MEIS2: variants seen among roughly 807,000 people sequenced by gnomAD.
MEIS2 encodes the protein Meis homeobox 2, also known as homeobox protein Meis2.
Under a neutral mutation model 58.6 loss-of-function variants are expected in MEIS2, and 9 were observed. That is an observed-to-expected ratio of 0.15 (90% CI 0.09 to 0.27). MEIS2 has a LOEUF of 0.27. Ranked by LOEUF, MEIS2 falls within the 10% of genes least tolerant of loss-of-function variation. The pLI is 1.00. For missense variants in MEIS2, 427 were observed against 635.0 expected, an observed-to-expected ratio of 0.67 and a Z score of 3.52; for synonymous variants, 221 against 228.4, an observed-to-expected ratio of 0.97 and a Z score of 0.29.
At chr15:37,056,837 C>T (rs1345020115) in intron 7 of MEIS2, among the ~76,000 whole-genome samples, 7 of 152,200 alleles carry the variant, frequency 4.6e-5, no homozygotes, top group Admixed American at 4.6e-4. Flanking sequence ...GGGTCCAGCT[C>T]CGAACCGCTC....
chr15:36,974,970 GGAAATCCC>G (rs1373989826), intron 8 of MEIS2, among the ~76,000 whole-genome samples: 2 of 152,114 alleles, frequency 1.3e-5, no homozygotes, highest in Non-Finnish European at 2.9e-5. Context: ...TCAAGAGATG[GGAAATCCC>G]TCCATAGAAA....
intron 8 of MEIS2, among the ~76,000 whole-genome samples, chr15:37,010,646 T>C (rs1595919754): frequency 6.6e-6 from 1 of 152,234 alleles, no homozygotes. Flanking sequence ...CCGCCAGTGC[T>C]GGGATTGCAG....
At position 37,036,676 on chromosome 15, in the gene MEIS2, TTAAC is replaced by T. The variant is rs371342688; in HGVS notation, c.900+134_900+137del. 757 of 973,550 alleles carry T rather than the reference TTAAC, an allele frequency of 7.8e-4. 3 individuals are homozygous for T. Among genetic ancestry groups the T allele is most frequent in the South Asian group, 3.3e-3 (160 of 49,012 alleles). 60.3% of individuals were successfully genotyped at this position (973,550 alleles called of 1,614,324 possible). A position where few individuals can be genotyped will look rare whatever the true frequency, so the allele number is the denominator to read the frequency against. On this transcript the variant is annotated intron_variant, in intron 8 of 11. Coordinates refer to ENST00000561208, the MANE Select transcript of MEIS2 (RefSeq NM_170675.5). Reference sequence around the variant, plus strand: ...GTAATAGTTGATGAAAAAAAAAACTTTAACTAGTCTGTTAGTCATCAGATTTCAA... The same window carrying T: ...GTAATAGTTGATGAAAAAAAAAACTTTAGTCTGTTAGTCATCAGATTTCAA...
chr15:36,924,829 C>G (rs971242096), intron 9 of MEIS2, among the ~76,000 whole-genome samples: 2 of 152,168 alleles, frequency 1.3e-5, no homozygotes, highest in African/African-American at 4.8e-5. Flanking sequence ...GTGTGACAAC[C>G]AGAAATATTT....
At chr15:37,012,804 G>C (rs2061209225) in intron 8 of MEIS2, among the ~76,000 whole-genome samples, 4 of 152,084 alleles carry the variant, frequency 2.6e-5, no homozygotes, top group Admixed American at 2.6e-4. Flanking sequence ...GCAAGTCATT[G>C]ACTATATTTT....
At chr15:36,912,831 G>GAAA (rs76421752) in intron 9 of MEIS2, among the ~76,000 whole-genome samples, 2 of 100,948 alleles carry the variant, frequency 2.0e-5, no homozygotes, top group Non-Finnish European at 4.3e-5. Flanking sequence ...CCCCACTCCT[G>GAAA]AAAAAAAAAA....
chr15:36,928,929 A>G (rs942409264), intron 9 of MEIS2, among the ~76,000 whole-genome samples: 1 of 152,226 alleles, frequency 6.6e-6, no homozygotes, highest in African/African-American at 2.4e-5. Context: ...AAGATCAAAA[A>G]AAGAAAGAAG....
chr15:36,973,317 C>G (rs1250543146), intron 8 of MEIS2, among the ~76,000 whole-genome samples: 1 of 152,194 alleles, frequency 6.6e-6, no homozygotes, highest in East Asian at 1.9e-4. Context: ...CTTCTACTCT[C>G]TGGTGTGACA....
intron 8 of MEIS2, among the ~76,000 whole-genome samples, chr15:37,009,475 T>A (rs1344881075): frequency 6.6e-6 from 1 of 152,326 alleles, no homozygotes; most frequent in East Asian, 1.9e-4. Flanking sequence ...GAAGCCAATG[T>A]TTATTTTAGC....
In MEIS2 at chr15:36,890,629, C is replaced by T. The variant is rs1341871964; in HGVS notation, c.*1544G>A. The T allele has an allele frequency of 3.3e-5, 5 of 152,226 alleles. No individual in the cohort carries two copies. The East Asian group carries it at 9.6e-4, about 29-fold the overall frequency. 9.4% of individuals were successfully genotyped at this position (152,226 alleles called of 1,614,324 possible). On this transcript the variant is annotated 3_prime_UTR_variant, in exon 12 of 12. Coordinates refer to ENST00000561208, the MANE Select transcript of MEIS2 (RefSeq NM_170675.5). ...TAGTAAGACAGGCAGAGGAAAAACACAGGCAGATAAATTACCTTTGAGCAC... is the reference window on the plus strand; with the variant it reads ...TAGTAAGACAGGCAGAGGAAAAACATAGGCAGATAAATTACCTTTGAGCAC...
intron 8 of MEIS2, among the ~76,000 whole-genome samples, chr15:36,969,253 G>A (rs949156441): frequency 2.6e-5 from 4 of 152,172 alleles, no homozygotes; most frequent in African/African-American, 9.7e-5. Context: ...AGATAAAAAT[G>A]AATTTCACTA....
chr15:37,100,656 G>C (rs1304031312), upstream of MEIS2: 1 of 152,312 alleles, frequency 6.6e-6, no homozygotes, highest in African/African-American at 2.4e-5. Context: ...GCTCCTCCAC[G>C]GGGATGGGGG....
chr15:36,896,602 A>G (rs895809426), intron 10 of MEIS2, 26 bp downstream of exon 10: 7 of 1,587,766 alleles, frequency 4.4e-6, no homozygotes, highest in Non-Finnish European at 6.0e-6. Flanking sequence ...TGTGGGACAT[A>G]AATATAGATA....
At chr15:36,905,787 A>G (rs2056705817) in intron 9 of MEIS2, among the ~76,000 whole-genome samples, 1 of 152,210 alleles carries the variant, frequency 6.6e-6, no homozygotes. Flanking sequence ...ACATACATAT[A>G]TAGTTATATG....
intron 8 of MEIS2, among the ~76,000 whole-genome samples, chr15:36,995,880 T>TTATTG (rs1004756938): frequency 1.0e-4 from 15 of 146,568 alleles, no homozygotes; most frequent in African/African-American, 3.7e-4. Context: ...AATCTTTGTA[T>TTATTG]TATTATTTTT....
chr15:36,962,654 T>C lies in MEIS2; in HGVS notation c.901-12254A>G, dbSNP rs189104755. ...CAGACATAAAGGTCCGACTGTAGCC[T>C]GAAGTACTGTTTAAAGGTATCTTGG... On this transcript the variant is annotated intron_variant, in intron 8 of 11. Transcript: ENST00000561208. Among the ~76,000 whole-genome samples the C allele has an allele frequency of 1.2e-4, 19 of 152,328 alleles. No individual in the cohort carries two copies. The East Asian group carries it at 3.3e-3, about 26-fold the overall frequency.
intron 7 of MEIS2, among the ~76,000 whole-genome samples, chr15:37,047,185 T>G (rs2062710991): frequency 6.6e-6 from 1 of 152,204 alleles, no homozygotes; most frequent in South Asian, 2.1e-4. Context: ...AATGCCCTTT[T>G]CCACAGTTAA....
chr15:36,985,947 C>CT (rs2060079447), intron 8 of MEIS2, among the ~76,000 whole-genome samples: 1 of 152,144 alleles, frequency 6.6e-6, no homozygotes, highest in African/African-American at 2.4e-5. Flanking sequence ...AGTGGAAGCT[C>CT]TACATGCCTT....
At chr15:37,098,382 GA>G (rs1567300559) in intron 1 of MEIS2, 183 bp from the exon 2 acceptor site, 333 of 557,068 alleles carry the variant, frequency 6.0e-4, no homozygotes, top group African/African-American at 2.2e-3. Flanking sequence ...GAGAGGGGGA[GA>G]GAGAGAGAGA....
Sources: gnomAD v4.1 joint callset for allele counts (sites outside exome capture counted in the v4.1 genomes callset) on GRCh38, gnomAD v4.1.1 for gene constraint, MANE v1.5 for transcripts, NCBI Gene and HGNC (gene_info 2026-07-23, HGNC 2026-07-21) for gene names.